NXN: variants seen among roughly 807,000 people sequenced by gnomAD.
NXN encodes the protein nucleoredoxin.
NXN carries 16 observed loss-of-function variants against 48.6 expected under a neutral mutation model. The observed-to-expected ratio is 0.33, with a 90% CI of 0.22 to 0.50. The LOEUF (loss-of-function observed/expected upper bound fraction) is 0.50. NXN is among the 20% of genes least tolerant of loss of function. NXN has a pLI of 0.98. For synonymous variants in NXN, 281 were observed against 269.6 expected, an observed-to-expected ratio of 1.04 and a Z score of -0.41; for missense variants, 492 against 605.5, an observed-to-expected ratio of 0.81 and a Z score of 1.97.
intron 5 of NXN, among the ~76,000 whole-genome samples, chr17:811,693 G>T (rs545102685): frequency 6.6e-6 from 1 of 152,120 alleles, no homozygotes; most frequent in African/African-American, 2.4e-5. Context: ...CTTTGGCCAG[G>T]CCGGCCTGGG....
In NXN at chr17:896,989, C is replaced by T. The variant is rs559856579; in HGVS notation, c.361-70911G>A. 1.1e-4 allele frequency: 127 copies of T among 1,160,764 alleles called. No individual in the cohort carries two copies. The South Asian group carries it at 1.9e-3, about 17-fold the overall frequency. The allele number at this position is 1,160,764 out of a possible 1,614,324, so 71.9% of individuals were successfully genotyped here. On this transcript the variant is annotated intron_variant, in intron 1 of 7. Coordinates refer to ENST00000336868, the MANE Select transcript of NXN (RefSeq NM_022463.5). ...GTGACGCCTCTCCTAGGAAAGTCCCCGCGGCAGATACACGGACTCCGTAAT... is the reference window on the plus strand; with the variant it reads ...GTGACGCCTCTCCTAGGAAAGTCCCTGCGGCAGATACACGGACTCCGTAAT...
chr17:971,080 C>T (rs925914976), intron 1 of NXN, among the ~76,000 whole-genome samples: 2 of 151,210 alleles, frequency 1.3e-5, no homozygotes, highest in Non-Finnish European at 2.9e-5. Flanking sequence ...CTCAGTAGCT[C>T]GGATTACAGG....
intron 1 of NXN, among the ~76,000 whole-genome samples, chr17:896,201 G>A (rs1023344873): frequency 5.9e-5 from 9 of 151,904 alleles, no homozygotes; most frequent in South Asian, 4.2e-4. Context: ...TTAGCCGGGC[G>A]TGGTGGCGCA....
Position 973,851 on chromosome 17 carries a change from G to C in NXN, c.360+5468C>G, listed in dbSNP as rs764456333. Among the ~76,000 whole-genome samples, 3 of 151,198 alleles carry C rather than the reference G, an allele frequency of 2.0e-5. No homozygotes were observed. The East Asian group carries it at 6.0e-4, about 30-fold the overall frequency. Reference sequence around the variant, plus strand: ...TGTACCACCACACCTGGTTAATTTTGTATTTTTAGTAGAGATGGGGTTTCA... The same window carrying C: ...TGTACCACCACACCTGGTTAATTTTCTATTTTTAGTAGAGATGGGGTTTCA... On this transcript the variant is annotated intron_variant, in intron 1 of 7. Transcript: ENST00000336868.
intron 1 of NXN, among the ~76,000 whole-genome samples, chr17:912,396 T>C (rs1374597928): frequency 6.6e-6 from 1 of 152,082 alleles, no homozygotes; most frequent in Non-Finnish European, 1.5e-5. Context: ...TCCACACATT[T>C]TTAACTGTGT....
In NXN at chr17:844,304, C is replaced by T. The variant is rs113164425; in HGVS notation, c.361-18226G>A. ...AGGTGGCGGCCAGGCCATCACACGT[C>T]CCGTCCTGCCCTCCTTAGCTGGAAG... On this transcript the variant is annotated intron_variant, in intron 1 of 7. Transcript: ENST00000336868. Among the ~76,000 whole-genome samples the T allele has an allele frequency of 8.8e-3, 1,299 of 146,892 alleles. 15 individuals are homozygous for T. Among genetic ancestry groups the T allele is most frequent in the African/African-American group, 0.031 (1,237 of 39,914 alleles).
At chr17:834,972 T>C (rs888480714) in intron 1 of NXN, among the ~76,000 whole-genome samples, 3 of 151,214 alleles carry the variant, frequency 2.0e-5, no homozygotes, top group African/African-American at 7.3e-5. Flanking sequence ...TGCTGAATGG[T>C]CTTCTACCAC....
At chr17:852,687 C>A (rs1212923727) in intron 1 of NXN, among the ~76,000 whole-genome samples, 2 of 152,122 alleles carry the variant, frequency 1.3e-5, no homozygotes, top group South Asian at 2.1e-4. Flanking sequence ...CTGAGTCAGC[C>A]CGGGCTATAG....
intron 1 of NXN, among the ~76,000 whole-genome samples, chr17:950,777 A>C (rs2150617038): frequency 6.6e-6 from 1 of 152,234 alleles, no homozygotes; most frequent in South Asian, 2.1e-4. Context: ...CCAGTGGGAC[A>C]CGCAACACTG....
chr17:966,718 G>C (rs917148262), intron 1 of NXN, among the ~76,000 whole-genome samples: 3 of 151,164 alleles, frequency 2.0e-5, no homozygotes, highest in African/African-American at 7.3e-5. Context: ...CCAAAAAATT[G>C]GGCAACAAAG....
At chr17:852,135 C>T (rs1424131403) in intron 1 of NXN, among the ~76,000 whole-genome samples, 2 of 152,232 alleles carry the variant, frequency 1.3e-5, no homozygotes, top group African/African-American at 2.4e-5. Flanking sequence ...CCCTGCATGC[C>T]GGCCAAGGCC....
chr17:830,498 C>A lies in NXN; in HGVS notation c.361-4420G>T, dbSNP rs9894958. On this transcript the variant is annotated intron_variant, in intron 1 of 7. Transcript: ENST00000336868. This position sits in a 1 kb window ranked among gnomAD's most constrained non-coding sequence, Gnocchi z 4.2. ...GACCTCAGCAAGGAAATGGAACAAGCCACAGGCACGCCGCGGGAGGCCACC... is the reference window on the plus strand; with the variant it reads ...GACCTCAGCAAGGAAATGGAACAAGACACAGGCACGCCGCGGGAGGCCACC... Among the ~76,000 whole-genome samples the A allele has an allele frequency of 0.26, 38,961 of 151,982 alleles. 5,389 individuals are homozygous for A. Among genetic ancestry groups the A allele is most frequent in the East Asian group, 0.48 (2,462 of 5,150 alleles).
chr17:800,762 G>A lies in NXN; in HGVS notation c.*187C>T, dbSNP rs750886815. The A allele has an allele frequency of 9.8e-6, 4 of 409,900 alleles. No individual in the cohort carries two copies. Among genetic ancestry groups the A allele is most frequent in the Non-Finnish European group, 1.3e-5 (3 of 233,858 alleles). 25.4% of individuals were successfully genotyped at this position (409,900 alleles called of 1,614,324 possible). A position where few individuals can be genotyped will look rare whatever the true frequency, so the allele number is the denominator to read the frequency against. On this transcript the variant is annotated 3_prime_UTR_variant, in exon 8 of 8. Transcript: ENST00000336868. Reference sequence around the variant, plus strand: ...AGAGTCTCCAAACACGGTGGACTCTGCCGCTGCTGATTCCACACCCCAGGG... The same window carrying A: ...AGAGTCTCCAAACACGGTGGACTCTACCGCTGCTGATTCCACACCCCAGGG...
At position 805,186 on chromosome 17, in the gene NXN, C is replaced by T. The variant is rs771909768; in HGVS notation, c.882G>A (p.Val294=). Residue 294 remains valine (V), a synonymous_variant, in exon 6 of 8, where the codon GTG becomes GTA. Transcript: ENST00000336868. ...QGEVITRQGR[V]EVLNDEDCRE... is the part of the protein sequence containing the mutation. The stretch of plus-strand genomic sequence containing the variant: ...GGCAGTCCTCGTCGTTCAGCACCTC[C>T]ACCCGCCCCTGCCGCGTGATCACCT... The T allele has an allele frequency of 6.2e-7, 1 of 1,609,380 alleles. No homozygotes were observed. The highest frequency in any genetic ancestry group is 1.7e-5 in the Admixed American group (1 of 59,746).
At chr17:953,865 G>C (rs924793776) in intron 1 of NXN, among the ~76,000 whole-genome samples, 12 of 152,102 alleles carry the variant, frequency 7.9e-5, no homozygotes, top group African/African-American at 2.6e-4. Context: ...TGAGCCCAGA[G>C]GTTGAGGCTG....
intron 5 of NXN, among the ~76,000 whole-genome samples, chr17:811,667 G>C (rs1912017706): frequency 6.6e-6 from 1 of 152,184 alleles, no homozygotes; most frequent in Non-Finnish European, 1.5e-5. Context: ...TGGCCAGCCT[G>C]TCAGCGGCAG....
chr17:804,772 C>T (rs1911394095), intron 6 of NXN, among the ~76,000 whole-genome samples: 1 of 152,212 alleles, frequency 6.6e-6, no homozygotes, highest in Non-Finnish European at 1.5e-5. Context: ...TGCCACCCGC[C>T]CTTTCCAACA....
rs934457917 is a variant in NXN, at chr17:837,929, C to T, written c.361-11851G>A. 1.2e-4 allele frequency among the ~76,000 whole-genome samples: 18 copies of T among 152,230 alleles called. 1 individual carries two copies. Among genetic ancestry groups the T allele is most frequent in the Admixed American group, 5.9e-4 (9 of 15,282 alleles). Reference sequence around the variant, plus strand: ...ATGCATGCCCCAAGGATGGCAAGAGCGTGAGGTTCACAAAACAACATGTCC... The same window carrying T: ...ATGCATGCCCCAAGGATGGCAAGAGTGTGAGGTTCACAAAACAACATGTCC... On this transcript the variant is annotated intron_variant, in intron 1 of 7. Transcript: ENST00000336868.
At chr17:806,165 CCGTCTG>C (rs1911498564) in intron 5 of NXN, among the ~76,000 whole-genome samples, 1 of 128,128 alleles carries the variant, frequency 7.8e-6, no homozygotes, top group African/African-American at 3.1e-5. Flanking sequence ...GCAGCCCCCG[CCGTCTG>C]CACCCCAGCA....
Sources: allele counts gnomAD v4.1 joint callset (sites outside exome capture counted in the v4.1 genomes callset), GRCh38; gene constraint gnomAD v4.1.1; non-coding constraint Gnocchi (gnomAD v3.1); transcripts MANE v1.5; gene names NCBI Gene and HGNC (gene_info 2026-07-23, HGNC 2026-07-21).